The following CAMK2A variants were observed in gnomAD, a reference collection of about 807,000 sequenced individuals.
CAMK2A encodes the protein calcium/calmodulin dependent protein kinase II alpha, also known as calcium/calmodulin-dependent protein kinase type II subunit alpha.
In CAMK2A, 7 loss-of-function variants were observed where a neutral mutation model predicts 79.2. That is an observed-to-expected ratio of 0.09 (90% CI 0.05 to 0.17). The LOEUF is 0.17. Among genes scored for constraint, CAMK2A ranks in the 10% least tolerant of loss-of-function variants. The pLI, the probability that CAMK2A is intolerant of heterozygous loss-of-function variation, is 1.00. For missense variants in CAMK2A, 214 were observed against 646.4 expected (o/e 0.33, Z 7.25); for synonymous variants, 242 against 251.7 (o/e 0.96, Z 0.36).
At chr5:150,238,798 AGGCATGGCCAGGCCCT>A (rs1323188230) in intron 14 of CAMK2A, 50 bp from the exon 15 acceptor site, 4 of 1,490,596 alleles carry the variant, frequency 2.7e-6, no homozygotes, top group Non-Finnish European at 3.6e-6. Flanking sequence ...GAGCGGGACG[AGGCATGGCCAGGCCCT>A]GGCTGCCTGG....
chr5:150,231,296 C>G lies in CAMK2A; in HGVS notation c.1142+9G>C, dbSNP rs1397436019. ...GGCAGGACATGCAGAATGAGCCCAG[C>G]TGACTCACGTGTAGGACTCAAAATC... On this transcript the variant is annotated intron_variant, in intron 16 of 18. Coordinates refer to ENST00000671881, the MANE Select transcript of CAMK2A (RefSeq NM_015981.4). 1.3e-6 allele frequency: 2 copies of G among 1,553,756 alleles called. No homozygotes were observed. The highest frequency in any genetic ancestry group is 2.7e-5 in the African/African-American group (2 of 73,294).
At chr5:150,242,948 G>A (rs1755415445) in intron 13 of CAMK2A, among the ~76,000 whole-genome samples, 1 of 152,174 alleles carries the variant, frequency 6.6e-6, no homozygotes, top group Non-Finnish European at 1.5e-5. Flanking sequence ...AGTTGCCTTT[G>A]AGCTCCTCTT....
chr5:150,252,156 G>C (rs1432533244), intron 7 of CAMK2A, 91 bp from the exon 8 acceptor site: 9 of 991,706 alleles, frequency 9.1e-6, no homozygotes, highest in Non-Finnish European at 1.2e-5. Flanking sequence ...AGGGGATGAG[G>C]ATTGCTCTGG....
intron 11 of CAMK2A, 29 bp downstream of exon 11, chr5:150,250,197 C>T: frequency 6.4e-7 from 1 of 1,565,248 alleles, no homozygotes; most frequent in Non-Finnish European, 8.8e-7. Flanking sequence ...GTCCCATGGC[C>T]AGGACTGTGG....
intron 15 of CAMK2A, among the ~76,000 whole-genome samples, chr5:150,236,743 G>A (rs559287906): frequency 9.9e-4 from 151 of 152,342 alleles, no homozygotes; most frequent in African/African-American, 3.4e-3. Flanking sequence ...TTCTTGGCCT[G>A]CCACATGCCC....
Position 150,220,599 on chromosome 5 carries a change from T to A in CAMK2A, c.*2111A>T, listed in dbSNP as rs1044934713. On this transcript the variant is annotated 3_prime_UTR_variant, in exon 19 of 19. Transcript: ENST00000671881. ...CCACACCCTCACCCTTGACTGGGGA[T>A]GGCTGTAGGGAACTGGCAGCTCAAA... The A allele has an allele frequency of 6.6e-6, 1 of 152,340 alleles. No homozygotes were observed. Among genetic ancestry groups the A allele is most frequent in the Non-Finnish European group, 1.5e-5 (1 of 68,048 alleles). 9.4% of individuals were successfully genotyped at this position (152,340 alleles called of 1,614,324 possible).
chr5:150,285,768 T>C (rs1757398831), intron 1 of CAMK2A, among the ~76,000 whole-genome samples: 1 of 152,096 alleles, frequency 6.6e-6, no homozygotes, highest in Non-Finnish European at 1.5e-5. Context: ...TCTCTCTTCC[T>C]CCCTCTCTCT....
intron 12 of CAMK2A, among the ~76,000 whole-genome samples, chr5:150,246,834 C>T (rs1755588863): frequency 6.6e-6 from 1 of 152,242 alleles, no homozygotes. Flanking sequence ...GCCAGCTGCC[C>T]CCTTCTCAGA....
rs975105426 is a variant in CAMK2A, at chr5:150,256,395, C to T, written c.411+178G>A. Among the ~76,000 whole-genome samples the T allele has an allele frequency of 2.0e-5, 3 of 152,226 alleles. No individual in the cohort carries two copies. Among genetic ancestry groups the T allele is most frequent in the Non-Finnish European group, 2.9e-5 (2 of 68,040 alleles). On this transcript the variant is annotated intron_variant, in intron 6 of 18. Coordinates refer to ENST00000671881, the MANE Select transcript of CAMK2A (RefSeq NM_015981.4). This position sits in a 1 kb window ranked among gnomAD's most constrained non-coding sequence, Gnocchi z 4.6. ...AGGGGCCCAAACACAGACGCTCTAC[C>T]TTCCTGAGCTCTGCTTCCTCATCTG...
intron 15 of CAMK2A, among the ~76,000 whole-genome samples, chr5:150,233,021 G>A (rs908855328): frequency 4.6e-5 from 7 of 152,164 alleles, no homozygotes; most frequent in African/African-American, 1.2e-4. Context: ...CTAACCTCAC[G>A]CAATTGTTTT....
intron 6 of CAMK2A, among the ~76,000 whole-genome samples, chr5:150,254,023 G>A (rs575223532): frequency 6.6e-6 from 1 of 152,158 alleles, no homozygotes; most frequent in Non-Finnish European, 1.5e-5. Flanking sequence ...AGTCCATCTT[G>A]TTTCCACCTC....
At chr5:150,261,888 G>A (rs7732106) in intron 3 of CAMK2A, among the ~76,000 whole-genome samples, 2,562 of 152,242 alleles carry the variant, frequency 0.017, 72 homozygotes, top group African/African-American at 0.057. Flanking sequence ...ACAGCACCTG[G>A]CACTAGGAAG....
intron 7 of CAMK2A, among the ~76,000 whole-genome samples, 164 bp from the exon 8 acceptor site, chr5:150,252,229 G>A (rs757311370): frequency 3.3e-5 from 5 of 152,148 alleles, no homozygotes; most frequent in South Asian, 2.1e-4. Context: ...AACCCCAGTC[G>A]GCCCAAGACA....
At chr5:150,263,515 A>G (rs1192889127) in intron 3 of CAMK2A, among the ~76,000 whole-genome samples, 1 of 151,404 alleles carries the variant, frequency 6.6e-6, no homozygotes, top group Non-Finnish European at 1.5e-5. Context: ...ACACACATTC[A>G]CACACACACT....
chr5:150,271,425 C>T lies in CAMK2A; in HGVS notation c.157+1640G>A, dbSNP rs897607245. Among the ~76,000 whole-genome samples the T allele has an allele frequency of 2.0e-5, 3 of 152,236 alleles. No individual in the cohort carries two copies. In the East Asian group the frequency reaches 5.8e-4, roughly 29 times the overall value. On this transcript the variant is annotated intron_variant, in intron 2 of 18. Coordinates refer to ENST00000671881, the MANE Select transcript of CAMK2A (RefSeq NM_015981.4). Reference sequence around the variant, plus strand: ...GAGCCAGAGAAGAAAGGCAGCAACACACAGTCCAACATGAGGCCTGCCGGG... The same window carrying T: ...GAGCCAGAGAAGAAAGGCAGCAACATACAGTCCAACATGAGGCCTGCCGGG...
At chr5:150,277,157 T>G (rs1379237097) in intron 1 of CAMK2A, among the ~76,000 whole-genome samples, 3 of 152,128 alleles carry the variant, frequency 2.0e-5, no homozygotes, top group Admixed American at 2.0e-4. Context: ...GAGGTTGCAG[T>G]GAGCTGAGAT....
intron 17 of CAMK2A, among the ~76,000 whole-genome samples, chr5:150,226,291 G>A (rs1402085398): frequency 6.6e-6 from 1 of 152,104 alleles, no homozygotes; most frequent in Non-Finnish European, 1.5e-5. Context: ...TTCTGCCACC[G>A]GCTTCCTGGG....
chr5:150,247,741 T>C (rs919893130), intron 12 of CAMK2A, 31 bp downstream of exon 12: 2 of 1,594,568 alleles, frequency 1.3e-6, no homozygotes, highest in Non-Finnish European at 1.7e-6. Context: ...GGTGCAGGGC[T>C]TACTGGGGAC....
intron 1 of CAMK2A, among the ~76,000 whole-genome samples, chr5:150,273,425 A>C (rs1166529294): frequency 1.3e-5 from 2 of 152,236 alleles, no homozygotes; most frequent in African/African-American, 2.4e-5. Flanking sequence ...ATCATGCTGT[A>C]AAACATTAGA....
Sources: allele counts gnomAD v4.1 joint callset (sites outside exome capture counted in the v4.1 genomes callset), GRCh38; gene constraint gnomAD v4.1.1; non-coding constraint Gnocchi (gnomAD v3.1); transcripts MANE v1.5; gene names NCBI Gene and HGNC (gene_info 2026-07-23, HGNC 2026-07-21).